The following TFEC variants were observed in gnomAD, a reference collection of about 807,000 sequenced individuals.
TFEC encodes the protein transcription factor EC.
A neutral mutation model predicts 41.6 loss-of-function variants in TFEC; 31 were observed. The ratio of observed to expected loss-of-function variants is 0.74; its 90% CI spans 0.56 to 1.01. TFEC has a LOEUF of 1.01. Among genes scored for constraint, TFEC ranks in the 50% least tolerant of loss-of-function variants. The pLI, the probability that TFEC is intolerant of heterozygous loss-of-function variation, is 0.00. For synonymous variants in TFEC, 143 were observed against 140.6 expected, an observed-to-expected ratio of 1.02 and a Z score of -0.12; for missense variants, 402 against 404.1, an observed-to-expected ratio of 0.99 and a Z score of 0.04.
chr7:116,101,435 A>G (rs1362742744), intron 3 of TFEC, among the ~76,000 whole-genome samples: 1 of 152,200 alleles, frequency 6.6e-6, no homozygotes, highest in Non-Finnish European at 1.5e-5. Flanking sequence ...CTCCTACTGT[A>G]ATGGAAGAAA....
intron 1 of TFEC, among the ~76,000 whole-genome samples, chr7:115,993,936 C>A (rs567375057): frequency 4.7e-4 from 72 of 152,282 alleles, no homozygotes; most frequent in Admixed American, 1.3e-3. Context: ...GGAGGCATTA[C>A]GCTATCTGAC....
At chr7:116,002,583 A>G (rs1794639795) in intron 1 of TFEC, among the ~76,000 whole-genome samples, 1 of 152,208 alleles carries the variant, frequency 6.6e-6, no homozygotes. Context: ...ATCATTAGAT[A>G]TAATGAATAA....
chr7:116,033,621 C>T (rs1795839274), upstream of TFEC, among the ~76,000 whole-genome samples: 1 of 151,998 alleles, frequency 6.6e-6, no homozygotes. Context: ...AATTATATGT[C>T]ATCTTATGCA....
intron 1 of TFEC, among the ~76,000 whole-genome samples, chr7:116,020,013 G>A (rs559203688): frequency 6.6e-6 from 1 of 152,140 alleles, no homozygotes; most frequent in African/African-American, 2.4e-5. Flanking sequence ...TTTGCTATGT[G>A]TCAGGCATGT....
intron 3 of TFEC, among the ~76,000 whole-genome samples, chr7:116,097,791 A>G (rs945959961): frequency 7.9e-5 from 12 of 152,240 alleles, no homozygotes; most frequent in Admixed American, 7.9e-4. Flanking sequence ...ATTGTGCTGT[A>G]ATACCCAGAG....
intron 3 of TFEC, among the ~76,000 whole-genome samples, chr7:116,037,842 C>G (rs1471269937): frequency 1.3e-5 from 2 of 151,904 alleles, no homozygotes; most frequent in African/African-American, 2.4e-5. Flanking sequence ...TTTACTCTAC[C>G]AAAGTTATTA....
intron 1 of TFEC, among the ~76,000 whole-genome samples, chr7:116,004,473 T>C (rs1441935400): frequency 5.3e-5 from 8 of 152,166 alleles, no homozygotes; most frequent in Non-Finnish European, 1.2e-4. Context: ...GAAGTGTCAA[T>C]GTAGGTTCGT....
chr7:116,137,732 A>G (rs531837629), intron 1 of TFEC, among the ~76,000 whole-genome samples: 41 of 152,252 alleles, frequency 2.7e-4, no homozygotes, highest in Middle Eastern at 6.8e-3. Flanking sequence ...ATGTCAAGAA[A>G]CTTGGGCTTT....
chr7:116,072,597 C>G (rs538167731), intron 3 of TFEC, among the ~76,000 whole-genome samples: 1 of 151,628 alleles, frequency 6.6e-6, no homozygotes, highest in East Asian at 1.9e-4. Context: ...CTTAAAGATA[C>G]ATATTATTTA....
At chr7:116,011,856 T>C (rs1347658157) in intron 1 of TFEC, among the ~76,000 whole-genome samples, 1 of 152,084 alleles carries the variant, frequency 6.6e-6, no homozygotes, top group Non-Finnish European at 1.5e-5. Flanking sequence ...ATTCCTCCTC[T>C]CTCTCTTTCT....
chr7:116,013,346 T>C (rs1267217529), intron 1 of TFEC, among the ~76,000 whole-genome samples: 1 of 152,106 alleles, frequency 6.6e-6, no homozygotes. Flanking sequence ...CATTTTCCCC[T>C]TGTAACTAAA....
Position 116,147,377 on chromosome 7 carries a change from T to C in TFEC, c.-69+12413A>G, listed in dbSNP as rs200612338. 2.0e-4 allele frequency among the ~76,000 whole-genome samples: 31 copies of C among 152,322 alleles called. No individual in the cohort carries two copies. In the East Asian group the frequency reaches 5.6e-3, roughly 27 times the overall value. On this transcript the variant is annotated intron_variant, in intron 1 of 8. Transcript: ENST00000484212. ...AAGACAGATTAGCTAAAAAGAACAA[T>C]GAATTGACTAATGGATGATTTATCT...
chr7:115,937,380 T>A lies in TFEC; in HGVS notation c.*3171A>T, dbSNP rs974705299. 3.3e-5 allele frequency: 5 copies of A among 151,742 alleles called. No individual in the cohort carries two copies. Among genetic ancestry groups the A allele is most frequent in the African/African-American group, 1.2e-4 (5 of 41,416 alleles). The allele number at this position is 151,742 out of a possible 1,614,324, so 9.4% of individuals were successfully genotyped here. A position where few individuals can be genotyped will look rare whatever the true frequency, so the allele number is the denominator to read the frequency against. ...TCTTTTACTATTATGAAAAATCTCATTTCTGCAAGAAATATTCTAGAGAGT... is the reference window on the plus strand; with the variant it reads ...TCTTTTACTATTATGAAAAATCTCAATTCTGCAAGAAATATTCTAGAGAGT... On this transcript the variant is annotated 3_prime_UTR_variant, in exon 8 of 8. Transcript: ENST00000265440.
At chr7:115,940,999 A>G (rs777033484) in intron 7 of TFEC, 68 bp from the exon 8 acceptor site, 3 of 1,401,102 alleles carry the variant, frequency 2.1e-6, no homozygotes, top group Non-Finnish European at 2.9e-6. Flanking sequence ...AGAATAAGCC[A>G]GACATAGAAT....
chr7:116,110,632 TAAAAC>T (rs772987144), intron 3 of TFEC: 59 of 1,081,522 alleles, frequency 5.5e-5, no homozygotes, highest in Non-Finnish European at 7.1e-5. Context: ...TGAGTACAAT[TAAAAC>T]AGACAGATTT....
At chr7:116,115,651 C>T (rs1305538429) in intron 1 of TFEC, among the ~76,000 whole-genome samples, 1 of 151,984 alleles carries the variant, frequency 6.6e-6, no homozygotes, top group Non-Finnish European at 1.5e-5. Context: ...AACTTAATCA[C>T]ATATGCAAGT....
chr7:116,077,692 T>C (rs187344006), intron 3 of TFEC, among the ~76,000 whole-genome samples: 5 of 152,216 alleles, frequency 3.3e-5, no homozygotes, highest in Non-Finnish European at 5.9e-5. Context: ...GGACATTATA[T>C]AGTGATAAAT....
chr7:116,063,378 A>G (rs1796615481), intron 3 of TFEC, among the ~76,000 whole-genome samples: 3 of 152,176 alleles, frequency 2.0e-5, no homozygotes, highest in South Asian at 4.1e-4. Context: ...GCACTTTGAG[A>G]GGCTGAGGCA....
At chr7:116,121,059 G>A (rs927440533) in intron 1 of TFEC, among the ~76,000 whole-genome samples, 3 of 151,802 alleles carry the variant, frequency 2.0e-5, no homozygotes, top group Admixed American at 1.3e-4. Context: ...ACACCCAAGA[G>A]AATTGAAAAC....
Sources: allele counts gnomAD v4.1 joint callset (sites outside exome capture counted in the v4.1 genomes callset), GRCh38; gene constraint gnomAD v4.1.1; transcripts MANE v1.5; gene names NCBI Gene and HGNC (gene_info 2026-07-23, HGNC 2026-07-21).